The following TUB variants were observed in gnomAD, a reference collection of about 807,000 sequenced individuals.
TUB encodes tubby protein homolog.
TUB carries 33 observed loss-of-function variants against 59.7 expected under a neutral mutation model. The ratio of observed to expected loss-of-function variants is 0.55; its 90% CI spans 0.42 to 0.74. The LOEUF is 0.74. Among genes scored for constraint, TUB ranks in the 30% least tolerant of loss-of-function variants. The pLI is 0.00. For synonymous variants in TUB, 293 were observed against 256.4 expected (o/e 1.14, Z -1.36); for missense variants, 659 against 672.0 (o/e 0.98, Z 0.21).
intron 2 of TUB, among the ~76,000 whole-genome samples, chr11:8,064,652 G>C (rs1440464456): frequency 6.6e-6 from 1 of 152,184 alleles, no homozygotes; most frequent in African/African-American, 2.4e-5. Context: ...AATGACAGGG[G>C]CCTCCTCAGT....
At chr11:8,024,560 G>C (rs1942475450) in intron 1 of TUB, among the ~76,000 whole-genome samples, 1 of 152,098 alleles carries the variant, frequency 6.6e-6, no homozygotes, top group African/African-American at 2.4e-5. Flanking sequence ...GTCACGTCCT[G>C]ACTCCACTTC....
chr11:8,042,106 C>A (rs949447746), intron 2 of TUB, among the ~76,000 whole-genome samples: 2 of 151,464 alleles, frequency 1.3e-5, no homozygotes, highest in African/African-American at 4.9e-5. Context: ...CCAATGAAAA[C>A]CCATACCCAT....
At chr11:8,027,134 A>G (rs1006894032) in intron 1 of TUB, among the ~76,000 whole-genome samples, 1 of 152,220 alleles carries the variant, frequency 6.6e-6, no homozygotes, top group Non-Finnish European at 1.5e-5. Context: ...AAAATGAGCT[A>G]TTTCAATGAT....
upstream of TUB, among the ~76,000 whole-genome samples, chr11:8,036,449 C>T (rs1942647770): frequency 6.6e-6 from 1 of 152,234 alleles, no homozygotes; most frequent in South Asian, 2.1e-4. Flanking sequence ...ATGATAGCAT[C>T]CTTCTTAGAA....
chr11:8,101,856 G>GATATGGCGA lies in TUB; in HGVS notation c.*237_*238insATATGGCGA. ...AAGGGATGAGAATAATTCTTTCCAT[G>GATATGGCGA]CCACGAGATCAACACACACTCCCAC... On this transcript the variant is annotated 3_prime_UTR_variant, in exon 12 of 12. Transcript: ENST00000299506. The GATATGGCGA allele has an allele frequency of 1.9e-5, 9 of 482,846 alleles. No individual in the cohort carries two copies. The highest frequency in any genetic ancestry group is 7.5e-5 in the South Asian group (2 of 26,820). 29.9% of individuals were successfully genotyped at this position (482,846 alleles called of 1,614,324 possible). A position where few individuals can be genotyped will look rare whatever the true frequency, so the allele number is the denominator to read the frequency against.
intron 2 of TUB, among the ~76,000 whole-genome samples, chr11:8,061,804 C>A (rs73396761): frequency 6.6e-6 from 1 of 152,092 alleles, no homozygotes. Flanking sequence ...TGGGGAACTC[C>A]AAGGTCCCCC....
intron 2 of TUB, among the ~76,000 whole-genome samples, chr11:8,042,049 G>A (rs775532504): frequency 1.1e-4 from 17 of 152,196 alleles, no homozygotes; most frequent in Admixed American, 6.5e-4. Context: ...GTTTTAAGTT[G>A]TATGACCATC....
intron 1 of TUB, among the ~76,000 whole-genome samples, chr11:8,088,435 G>T (rs117531400): frequency 6.6e-6 from 1 of 152,164 alleles, no homozygotes; most frequent in Non-Finnish European, 1.5e-5. Context: ...CCCTTTGCAC[G>T]CACACTGCGC....
chr11:8,093,132 A>G (rs6578928), intron 3 of TUB, among the ~76,000 whole-genome samples: 147,645 of 152,168 alleles, frequency 0.97, 71,795 homozygotes, highest in East Asian at 1. Context: ...AAGGAAGCCA[A>G]ATTCTGTGAG....
chr11:8,072,415 G>C (rs1176531898), intron 2 of TUB, among the ~76,000 whole-genome samples: 4 of 152,208 alleles, frequency 2.6e-5, no homozygotes, highest in African/African-American at 9.6e-5. Context: ...CCATGCCACA[G>C]GCTTGGTGAG....
Position 8,090,066 on chromosome 11 carries a change from T to C in TUB, c.91-3T>C, listed in dbSNP as rs1943741964. 3.8e-6 allele frequency: 6 copies of C among 1,598,626 alleles called. No individual in the cohort carries two copies. The East Asian group carries it at 1.1e-4, about 30-fold the overall frequency. ...GGGTCAGCCAACCTCTGTGCCTCCA[T>C]AGCGGGCCCTGCTGGAGCAGAAGCA... On this transcript the variant is annotated splice_region_variant and splice_polypyrimidine_tract_variant and intron_variant, in intron 2 of 11. Coordinates refer to ENST00000299506, the MANE Select transcript of TUB (RefSeq NM_177972.3).
Position 8,104,140 on chromosome 11 carries a change from G to A in TUB, c.*2521G>A, listed in dbSNP as rs1259436196. ...TGCTAGGGCCCCTAGAAACCACCTG[G>A]GTTCAGCCTCTCCCACAATAAGAGT... On this transcript the variant is annotated 3_prime_UTR_variant, in exon 12 of 12. Transcript: ENST00000299506. 6.6e-6 allele frequency: 1 copy of A among 152,252 alleles called. No individual in the cohort carries two copies. The highest frequency in any genetic ancestry group is 1.9e-4 in the East Asian group (1 of 5,200). 9.4% of individuals were successfully genotyped at this position (152,252 alleles called of 1,614,324 possible).
chr11:8,068,676 C>T (rs1474914129), intron 2 of TUB: 2 of 152,734 alleles, frequency 1.3e-5, no homozygotes, highest in Non-Finnish European at 1.5e-5. Flanking sequence ...GCTGCAAAGC[C>T]CTGCCTGGTT....
chr11:8,096,631 G>A, intron 5 of TUB, 54 bp from the exon 6 acceptor site: 1 of 1,204,214 alleles, frequency 8.3e-7, no homozygotes, highest in South Asian at 1.2e-5. Flanking sequence ...GTGTATTTCA[G>A]GGGCAGCGTA....
chr11:8,093,686 C>T (rs7948279), intron 3 of TUB, among the ~76,000 whole-genome samples: 28,015 of 152,150 alleles, frequency 0.18, 4,030 homozygotes, highest in African/African-American at 0.39. Context: ...CTTTCTTCCC[C>T]GTCTTCAATG....
At chr11:8,066,214 C>A (rs1362444363) in intron 2 of TUB, among the ~76,000 whole-genome samples, 2 of 152,164 alleles carry the variant, frequency 1.3e-5, no homozygotes, top group Non-Finnish European at 2.9e-5. Context: ...GTGTCCAGAA[C>A]CAACAGGTCT....
At chr11:8,029,388 CTTTTT>C (rs71059146) in intron 1 of TUB, among the ~76,000 whole-genome samples, 12 of 123,528 alleles carry the variant, frequency 9.7e-5, no homozygotes, top group Non-Finnish European at 1.4e-4. Flanking sequence ...TTCTTTCTTT[CTTTTT>C]TTTTTTTTTT....
chr11:8,101,254 CT>C (rs1472941368), intron 11 of TUB, among the ~76,000 whole-genome samples: 1 of 152,206 alleles, frequency 6.6e-6, no homozygotes, highest in Non-Finnish European at 1.5e-5. Flanking sequence ...GACTTTTCCT[CT>C]TTTCTGTCCC....
intron 2 of TUB, among the ~76,000 whole-genome samples, chr11:8,057,997 G>T (rs551598856): frequency 2.0e-5 from 3 of 152,078 alleles, no homozygotes; most frequent in South Asian, 2.1e-4. Context: ...ATTGCTTGAG[G>T]CCAGGAGTTC....
Sources: gnomAD v4.1 joint callset for allele counts (sites outside exome capture counted in the v4.1 genomes callset) on GRCh38, gnomAD v4.1.1 for gene constraint, MANE v1.5 for transcripts, NCBI Gene and HGNC (gene_info 2026-07-23, HGNC 2026-07-21) for gene names.